ARMH4: variants seen among roughly 807,000 people sequenced by gnomAD.
The protein encoded by ARMH4 is armadillo like helical domain containing 4, also known as armadillo-like helical domain-containing protein 4.
Under a neutral mutation model 61.9 loss-of-function variants are expected in ARMH4, and 49 were observed. That is an observed-to-expected ratio of 0.79 (90% confidence interval 0.63 to 1.00). The LOEUF (loss-of-function observed/expected upper bound fraction) is 1.00, where lower values mean the gene tolerates loss of function less well. Among genes scored for constraint, ARMH4 ranks in the 50% least tolerant of loss-of-function variants. The pLI, the probability that ARMH4 is intolerant of heterozygous loss-of-function variation, is 0.00. For synonymous variants in ARMH4, 368 were observed against 341.5 expected (o/e 1.08, Z -0.85); for missense variants, 934 against 930.0 (o/e 1.00, Z -0.06).
At chr14:58,075,883 G>A (rs1201634174) in intron 5 of ARMH4, among the ~76,000 whole-genome samples, 3 of 152,076 alleles carry the variant, frequency 2.0e-5, no homozygotes, top group Non-Finnish European at 4.4e-5. Flanking sequence ...ATGTAAAATG[G>A]AGAAAGTTTC....
In ARMH4 at chr14:58,012,116, T is replaced by A; in HGVS notation, c.2121+3A>T. 1 of 1,480,118 alleles carries A rather than the reference T, an allele frequency of 6.8e-7. No individual in the cohort carries two copies. The highest frequency in any genetic ancestry group is 9.3e-7 in the Non-Finnish European group (1 of 1,080,920). The allele number at this position is 1,480,118 out of a possible 1,614,324, so 91.7% of individuals were successfully genotyped here. A position where few individuals can be genotyped will look rare whatever the true frequency, so the allele number is the denominator to read the frequency against. On this transcript the variant is annotated splice_donor_region_variant and intron_variant, in intron 6 of 7. Transcript: ENST00000267485. ...AACCAATGGAAGAAAATACTTTTCT[T>A]ACCTTGTCTTTTAATTTTTCCATCC...
At chr14:58,077,164 C>T (rs1296630541) in intron 5 of ARMH4, among the ~76,000 whole-genome samples, 1 of 152,190 alleles carries the variant, frequency 6.6e-6, no homozygotes, top group Non-Finnish European at 1.5e-5. Context: ...ACAAGCTAGA[C>T]AGCCCTGAGC....
intron 5 of ARMH4, among the ~76,000 whole-genome samples, chr14:58,042,084 C>G (rs1024114810): frequency 3.3e-5 from 5 of 152,034 alleles, no homozygotes; most frequent in Admixed American, 3.3e-4. Flanking sequence ...CTCAGCTCTG[C>G]ACCAAGCAGA....
intron 6 of ARMH4, 69 bp downstream of exon 6, chr14:58,012,050 G>A: frequency 8.9e-7 from 1 of 1,117,476 alleles, no homozygotes; most frequent in Non-Finnish European, 1.3e-6. Flanking sequence ...CTACTACTCT[G>A]AAGATCTTTT....
intron 6 of ARMH4, among the ~76,000 whole-genome samples, chr14:58,010,519 A>G (rs1459534696): frequency 3.3e-5 from 5 of 152,158 alleles, no homozygotes; most frequent in African/African-American, 1.2e-4. Flanking sequence ...TTCTTCTTAC[A>G]ATTTTTTTAA....
At chr14:58,009,406 T>C (rs1383093438) in intron 6 of ARMH4, among the ~76,000 whole-genome samples, 2 of 151,946 alleles carry the variant, frequency 1.3e-5, no homozygotes, top group Non-Finnish European at 2.9e-5. Flanking sequence ...GATCATGAGG[T>C]GACCTTGGGA....
At chr14:58,011,765 G>GAAAA (rs745515042) in intron 6 of ARMH4, among the ~76,000 whole-genome samples, 4 of 95,640 alleles carry the variant, frequency 4.2e-5, no homozygotes, top group South Asian at 3.3e-4. Context: ...TCTCATATTA[G>GAAAA]AAAAAAAAAA....
chr14:58,030,857 T>C (rs755901619), intron 5 of ARMH4, among the ~76,000 whole-genome samples: 5 of 152,210 alleles, frequency 3.3e-5, no homozygotes, highest in Non-Finnish European at 7.3e-5. Flanking sequence ...CTCTAGATAT[T>C]GTTTATCCAT....
chr14:58,138,245 C>T lies in ARMH4; in HGVS notation c.1114G>A (p.Gly372Arg). 2.5e-6 allele frequency: 4 copies of T among 1,614,228 alleles called. No individual in the cohort carries two copies. Among genetic ancestry groups the T allele is most frequent in the Non-Finnish European group, 3.4e-6 (4 of 1,180,040 alleles). ...AAQVALGLPE[G>R]ETHTGTALLI... ...AGGGCTGTGCCCGTGTGTGTTTCCCCTTCAGGCAGCCCCAGAGCCACCTGT... is the reference window on the plus strand; with the variant it reads ...AGGGCTGTGCCCGTGTGTGTTTCCCTTTCAGGCAGCCCCAGAGCCACCTGT... Residue 372 changes from glycine (G) to arginine (R), a missense_variant, in exon 2 of 8, where the codon GGG becomes AGG. By Grantham distance (125) the Gly-to-Arg change is moderately radical. Transcript: ENST00000267485.
chr14:58,127,099 T>A (rs985126543), intron 4 of ARMH4, among the ~76,000 whole-genome samples: 2 of 152,118 alleles, frequency 1.3e-5, no homozygotes, highest in African/African-American at 4.8e-5. Context: ...ATTAAAAATC[T>A]CTATGTTAAA....
chr14:58,028,436 T>C (rs1026906076), intron 5 of ARMH4, among the ~76,000 whole-genome samples: 4 of 152,174 alleles, frequency 2.6e-5, no homozygotes, highest in Non-Finnish European at 4.4e-5. Context: ...TGGGGCTTCA[T>C]GTCTTTTATT....
intron 5 of ARMH4, among the ~76,000 whole-genome samples, chr14:58,071,440 C>A (rs1390538369): frequency 6.6e-6 from 1 of 152,136 alleles, no homozygotes; most frequent in African/African-American, 2.4e-5. Context: ...ATATTTCCTT[C>A]TTCATTATCT....
At chr14:58,040,136 A>G (rs1380555911) in intron 5 of ARMH4, among the ~76,000 whole-genome samples, 1 of 152,196 alleles carries the variant, frequency 6.6e-6, no homozygotes, top group Non-Finnish European at 1.5e-5. Flanking sequence ...GATGAGAAAA[A>G]TTGGGTTCTT....
chr14:58,060,774 T>G (rs1884503357), intron 5 of ARMH4, among the ~76,000 whole-genome samples: 1 of 152,178 alleles, frequency 6.6e-6, no homozygotes, highest in South Asian at 2.1e-4. Flanking sequence ...CCGGGGTGTT[T>G]GGGCTGGCAC....
At chr14:58,039,179 C>A (rs1162927289) in intron 5 of ARMH4, among the ~76,000 whole-genome samples, 1 of 152,216 alleles carries the variant, frequency 6.6e-6, no homozygotes, top group Non-Finnish European at 1.5e-5. Context: ...ATTCTCAGAA[C>A]TGAACTATCA....
intron 4 of ARMH4, among the ~76,000 whole-genome samples, chr14:58,108,320 T>C (rs1886234250): frequency 6.6e-6 from 1 of 152,204 alleles, no homozygotes; most frequent in African/African-American, 2.4e-5. Flanking sequence ...TAATAGGAGA[T>C]ATATATTAGA....
rs568046545 is a variant in ARMH4, at chr14:58,128,450, G to A, written c.1831+3062C>T. On this transcript the variant is annotated intron_variant, in intron 4 of 7. Transcript: ENST00000267485. ...TTCAAAGCTGCTAAATACAGCCCTC[G>A]TAGAGGTATGCCTGAAATGAGTATA... Among the ~76,000 whole-genome samples the A allele has an allele frequency of 8.7e-4, 132 of 152,264 alleles. No individual in the cohort carries two copies. The South Asian group carries it at 0.017, about 20-fold the overall frequency.
chr14:58,017,304 A>G (rs918964254), intron 5 of ARMH4, among the ~76,000 whole-genome samples: 1 of 152,164 alleles, frequency 6.6e-6, no homozygotes, highest in Admixed American at 6.5e-5. Context: ...ACAGACCAAC[A>G]CCCTGTCTCA....
intron 5 of ARMH4, among the ~76,000 whole-genome samples, chr14:58,092,584 G>C (rs924942907): frequency 6.6e-6 from 1 of 152,194 alleles, no homozygotes; most frequent in Non-Finnish European, 1.5e-5. Flanking sequence ...TGGCAGGGTT[G>C]CATTCCTTCC....
Sources: gnomAD v4.1 joint callset for allele counts (sites outside exome capture counted in the v4.1 genomes callset) on GRCh38, gnomAD v4.1.1 for gene constraint, MANE v1.5 for transcripts, NCBI Gene and HGNC (gene_info 2026-07-23, HGNC 2026-07-21) for gene names.